C3orf70: variants seen among roughly 807,000 people sequenced by gnomAD.
C3orf70 encodes the protein chromosome 3 open reading frame 70.
In C3orf70, 15 loss-of-function variants were observed where a neutral mutation model predicts 20.7. The ratio of observed to expected loss-of-function variants is 0.72; its 90% CI spans 0.48 to 1.11. C3orf70 has a LOEUF of 1.11. C3orf70 is among the 50% of genes most tolerant of loss of function. The pLI, the probability that C3orf70 is intolerant of heterozygous loss-of-function variation, is 0.00. For missense variants in C3orf70, 332 were observed against 317.6 expected (o/e 1.05, Z -0.34); for synonymous variants, 161 against 125.7 (o/e 1.28, Z -1.88).
intron 1 of C3orf70, among the ~76,000 whole-genome samples, chr3:185,086,864 G>C (rs1365144724): frequency 6.6e-6 from 1 of 152,168 alleles, no homozygotes; most frequent in African/African-American, 2.4e-5. Flanking sequence ...AATCACCTTT[G>C]AAATATCAAT....
intron 1 of C3orf70, among the ~76,000 whole-genome samples, chr3:185,148,606 G>A (rs1256190081): frequency 6.6e-6 from 1 of 151,864 alleles, no homozygotes; most frequent in Non-Finnish European, 1.5e-5. Flanking sequence ...CTCCTCTCTC[G>A]CGAAGCCATG....
intron 1 of C3orf70, among the ~76,000 whole-genome samples, chr3:185,101,416 T>C (rs1312414366): frequency 2.0e-5 from 3 of 152,114 alleles, no homozygotes; most frequent in Non-Finnish European, 2.9e-5. Flanking sequence ...ATCACATAAC[T>C]AAAGACAACC....
intron 1 of C3orf70, among the ~76,000 whole-genome samples, chr3:185,091,972 T>A (rs1715600540): frequency 6.5e-5 from 7 of 107,134 alleles, no homozygotes; most frequent in African/African-American, 2.3e-4. Flanking sequence ...TATTTTTTTT[T>A]TTTTTTAGTA....
chr3:185,142,776 T>C (rs1716782588), intron 1 of C3orf70, among the ~76,000 whole-genome samples: 2 of 152,234 alleles, frequency 1.3e-5, no homozygotes, highest in Non-Finnish European at 2.9e-5. Flanking sequence ...ACACATGATG[T>C]GTTTTCTCAT....
chr3:185,092,199 G>GA (rs1224801790), intron 1 of C3orf70, among the ~76,000 whole-genome samples: 12 of 151,926 alleles, frequency 7.9e-5, no homozygotes, highest in Admixed American at 7.9e-4. Context: ...GGTTAAACAT[G>GA]AAAATGCTTT....
chr3:185,122,736 A>C (rs1358819580), intron 1 of C3orf70, among the ~76,000 whole-genome samples: 2 of 152,194 alleles, frequency 1.3e-5, no homozygotes, highest in Non-Finnish European at 2.9e-5. Context: ...ACTAGGCAGG[A>C]AGATCTGACC....
chr3:185,147,379 T>C (rs2108608104), intron 1 of C3orf70, among the ~76,000 whole-genome samples: 1 of 152,342 alleles, frequency 6.6e-6, no homozygotes, highest in East Asian at 1.9e-4. Flanking sequence ...TCACATACAG[T>C]GACCTCTTTA....
chr3:185,105,547 C>T (rs1026173452), intron 1 of C3orf70, among the ~76,000 whole-genome samples: 9 of 152,238 alleles, frequency 5.9e-5, no homozygotes, highest in Non-Finnish European at 1.3e-4. Flanking sequence ...ATGCTAATGG[C>T]TGGCTTGCTG....
chr3:185,098,912 C>T (rs968300842), intron 1 of C3orf70, among the ~76,000 whole-genome samples: 2 of 152,302 alleles, frequency 1.3e-5, no homozygotes, highest in South Asian at 4.2e-4. Flanking sequence ...GTCAGCTCTC[C>T]AGGGTCTCCG....
intron 1 of C3orf70, among the ~76,000 whole-genome samples, chr3:185,149,618 AAAAG>A (rs1326852417): frequency 6.6e-6 from 1 of 152,206 alleles, no homozygotes; most frequent in Non-Finnish European, 1.5e-5. Flanking sequence ...ATGAATACCA[AAAAG>A]AAAGGAGAAC....
chr3:185,152,594 G>C (rs1331480141), intron 1 of C3orf70, 34 bp downstream of exon 1: 3 of 1,516,254 alleles, frequency 2.0e-6, no homozygotes, highest in South Asian at 2.4e-5. Context: ...CCCCCGGACC[G>C]CGGCGGAAGG....
intron 1 of C3orf70, among the ~76,000 whole-genome samples, chr3:185,100,463 A>G (rs1339929375): frequency 6.6e-6 from 1 of 152,202 alleles, no homozygotes; most frequent in Admixed American, 6.5e-5. Flanking sequence ...AAATAATGAA[A>G]TTTAGGCAGA....
intron 1 of C3orf70, among the ~76,000 whole-genome samples, chr3:185,148,866 T>C (rs1322326620): frequency 6.6e-6 from 1 of 152,252 alleles, no homozygotes; most frequent in Non-Finnish European, 1.5e-5. Flanking sequence ...TGTGAATGTA[T>C]ATGTGCTTTA....
chr3:185,141,645 G>A (rs1040682893), intron 1 of C3orf70, among the ~76,000 whole-genome samples: 1 of 152,066 alleles, frequency 6.6e-6, no homozygotes, highest in African/African-American at 2.4e-5. Context: ...AATGAAAAAA[G>A]CCAATCACAA....
intron 1 of C3orf70, among the ~76,000 whole-genome samples, chr3:185,088,497 G>C (rs529318997): frequency 4.9e-4 from 74 of 152,102 alleles, no homozygotes; most frequent in Middle Eastern, 3.4e-3. Flanking sequence ...TGACGGCTCT[G>C]TATTTCTTAA....
chr3:185,091,947 ATATATATATATATATATTTTTTTTT>A (rs1561330948), intron 1 of C3orf70, among the ~76,000 whole-genome samples: 509 of 14,118 alleles, frequency 0.036, 33 homozygotes, highest in Middle Eastern at 0.18. Context: ...ATATATATAT[ATATATATATATATATATTTTTTTTT>A]TTTTTTAGTA....
chr3:185,134,086 G>A (rs1358878237), intron 1 of C3orf70, among the ~76,000 whole-genome samples: 2 of 139,188 alleles, frequency 1.4e-5, no homozygotes, highest in African/African-American at 5.2e-5. Flanking sequence ...GTGAGACTCT[G>A]TCTCAAAAAG....
At chr3:185,131,630 A>G (rs1404702329) in intron 1 of C3orf70, among the ~76,000 whole-genome samples, 1 of 152,216 alleles carries the variant, frequency 6.6e-6, no homozygotes, top group African/African-American at 2.4e-5. Context: ...GAGAAATGCT[A>G]GAAAAAAATT....
In C3orf70 at chr3:185,152,966, G is replaced by T; in HGVS notation, c.-143C>A. The T allele has an allele frequency of 1.6e-6, 1 of 630,084 alleles. No homozygotes were observed. The highest frequency in any genetic ancestry group is 6.6e-5 in the South Asian group (1 of 15,180). 39.0% of individuals were successfully genotyped at this position (630,084 alleles called of 1,614,324 possible). On this transcript the variant is annotated 5_prime_UTR_variant, in exon 1 of 2. Transcript: ENST00000335012. ...CAGCACGCGGCGGCGGCGGGAGCGC[G>T]GCGGTCCCAGGCTCGAGGAGGAGCC...
Sources: gnomAD v4.1 joint callset for allele counts (sites outside exome capture counted in the v4.1 genomes callset) on GRCh38, gnomAD v4.1.1 for gene constraint, MANE v1.5 for transcripts, NCBI Gene and HGNC (gene_info 2026-07-23, HGNC 2026-07-21) for gene names.